Variants in SLC4A4 observed in about 807,000 individuals in gnomAD.
The protein encoded by SLC4A4 is electrogenic sodium bicarbonate cotransporter 1.
In SLC4A4, 27 loss-of-function variants were observed where a neutral mutation model predicts 111.5. The ratio of observed to expected loss-of-function variants is 0.24; its 90% CI spans 0.18 to 0.33. The LOEUF (loss-of-function observed/expected upper bound fraction) is 0.33, where lower values mean the gene tolerates loss of function less well. Ranked by LOEUF, SLC4A4 falls within the 10% of genes least tolerant of loss-of-function variation. The pLI is 1.00. For missense variants in SLC4A4, 909 were observed against 1,315.5 expected, an observed-to-expected ratio of 0.69 and a Z score of 4.78; for synonymous variants, 443 against 463.4, an observed-to-expected ratio of 0.96 and a Z score of 0.57.
At chr4:71,292,135 A>G (rs1028476687) in intron 3 of SLC4A4, among the ~76,000 whole-genome samples, 3 of 152,248 alleles carry the variant, frequency 2.0e-5, no homozygotes, top group Admixed American at 2.0e-4. Context: ...TCAACTAATT[A>G]GCAGTAGTCT....
intron 7 of SLC4A4, 66 bp downstream of exon 7, chr4:71,397,719 G>T: frequency 7.4e-7 from 1 of 1,352,488 alleles, no homozygotes; most frequent in Non-Finnish European, 1.1e-6. Flanking sequence ...GCTGAGAAAG[G>T]ATTAGAGGTG....
In SLC4A4 at chr4:71,473,632, T is replaced by C. The variant is rs1172942116; in HGVS notation, c.1903+662T>C. Among the ~76,000 whole-genome samples the C allele has an allele frequency of 4.6e-5, 7 of 151,980 alleles. No individual in the cohort carries two copies. In the South Asian group the frequency reaches 1.4e-3, roughly 31 times the overall value. On this transcript the variant is annotated intron_variant, in intron 14 of 25. Transcript: ENST00000264485. The stretch of plus-strand genomic sequence containing the variant: ...CAAAAGTAACTCCTGGAAAGGAATG[T>C]GATTCTCTATATCTTAGCCCTTTAA...
chr4:71,369,365 G>T (rs1250618092), intron 6 of SLC4A4, among the ~76,000 whole-genome samples: 2 of 152,176 alleles, frequency 1.3e-5, no homozygotes, highest in African/African-American at 4.8e-5. Flanking sequence ...TCCAAGTTGA[G>T]GACATTGTAA....
chr4:71,411,549 A>G (rs1438372019), intron 7 of SLC4A4, among the ~76,000 whole-genome samples: 4 of 152,186 alleles, frequency 2.6e-5, no homozygotes, highest in Admixed American at 2.0e-4. Flanking sequence ...ATATCCAGCC[A>G]TCTGTAGTTC....
chr4:71,541,370 T>C (rs991035107), intron 18 of SLC4A4, among the ~76,000 whole-genome samples: 1 of 151,914 alleles, frequency 6.6e-6, no homozygotes, highest in Non-Finnish European at 1.5e-5. Context: ...GGTTGCTGGA[T>C]GGTGTGAAGG....
upstream of SLC4A4, among the ~76,000 whole-genome samples, chr4:71,185,807 T>C (rs150670290): frequency 3.1e-3 from 472 of 152,282 alleles, 2 homozygotes; most frequent in African/African-American, 0.011. Flanking sequence ...CTATAAGCTA[T>C]AGCTTTGTAT....
chr4:71,268,084 T>TTG (rs777780466), intron 3 of SLC4A4, among the ~76,000 whole-genome samples: 48 of 147,218 alleles, frequency 3.3e-4, no homozygotes, highest in Non-Finnish European at 6.0e-4. Flanking sequence ...TGTTTTTTTT[T>TTG]TTTTTTTTTT....
chr4:71,126,138 T>A (rs1400727113), intron 2 of SLC4A4, among the ~76,000 whole-genome samples: 1 of 152,206 alleles, frequency 6.6e-6, no homozygotes, highest in Non-Finnish European at 1.5e-5. Context: ...TATAGATTTC[T>A]TAAATTGTGA....
intron 16 of SLC4A4, among the ~76,000 whole-genome samples, chr4:71,530,275 A>G (rs934678058): frequency 1.3e-5 from 2 of 152,094 alleles, no homozygotes; most frequent in Admixed American, 6.6e-5. Flanking sequence ...TTATATTAGG[A>G]GAGTTTATTA....
At chr4:71,533,166 A>G (rs1357292685) in intron 17 of SLC4A4, among the ~76,000 whole-genome samples, 1 of 152,150 alleles carries the variant, frequency 6.6e-6, no homozygotes, top group Non-Finnish European at 1.5e-5. Flanking sequence ...AACACACATT[A>G]TTTTTTGAAT....
intron 3 of SLC4A4, among the ~76,000 whole-genome samples, chr4:71,307,673 TA>T (rs1332102349): frequency 6.6e-5 from 10 of 152,196 alleles, no homozygotes; most frequent in African/African-American, 1.2e-4. Flanking sequence ...GAAAATAAGG[TA>T]ATCTTTTCAG....
intron 2 of SLC4A4, among the ~76,000 whole-genome samples, chr4:71,157,224 A>G (rs1444523962): frequency 6.6e-6 from 1 of 152,164 alleles, no homozygotes; most frequent in African/African-American, 2.4e-5. Context: ...GGAAATTGGA[A>G]TAATTATATA....
At chr4:71,184,358 A>G, upstream of SLC4A4, among the ~76,000 whole-genome samples, 1 of 152,160 alleles carries the variant, frequency 6.6e-6, no homozygotes, top group Non-Finnish European at 1.5e-5. Context: ...TTCTTCTTAG[A>G]GACATTATGT....
At chr4:71,549,827 T>C (rs906166397) in intron 20 of SLC4A4, among the ~76,000 whole-genome samples, 9 of 151,858 alleles carry the variant, frequency 5.9e-5, no homozygotes, top group African/African-American at 2.2e-4. Context: ...TGCACCCAAA[T>C]ATGGCTGCAG....
intron 20 of SLC4A4, among the ~76,000 whole-genome samples, chr4:71,554,242 T>C (rs1459127312): frequency 6.6e-6 from 1 of 151,886 alleles, no homozygotes; most frequent in Non-Finnish European, 1.5e-5. Context: ...AAGATTGGCC[T>C]TAATTGACTT....
chr4:71,263,039 G>A (rs577173924), intron 3 of SLC4A4, among the ~76,000 whole-genome samples: 2 of 114,340 alleles, frequency 1.7e-5, no homozygotes, highest in South Asian at 6.4e-4. Flanking sequence ...ACAGGCCCCG[G>A]TGTGTGATGT....
chr4:71,420,395 A>G (rs886664394), intron 7 of SLC4A4, among the ~76,000 whole-genome samples: 9 of 152,228 alleles, frequency 5.9e-5, no homozygotes, highest in Admixed American at 2.0e-4. Context: ...GAATGGAACC[A>G]AGTTGGAAAA....
intron 6 of SLC4A4, among the ~76,000 whole-genome samples, chr4:71,394,087 A>G (rs1008963131): frequency 6.6e-6 from 1 of 152,164 alleles, no homozygotes; most frequent in Admixed American, 6.5e-5. Flanking sequence ...AAAAACCCTT[A>G]TAAACGTTGG....
At chr4:71,320,866 A>G (rs1406511717) in intron 3 of SLC4A4, among the ~76,000 whole-genome samples, 1 of 152,014 alleles carries the variant, frequency 6.6e-6, no homozygotes, top group Non-Finnish European at 1.5e-5. Flanking sequence ...ACTTTCTCTA[A>G]CAGTTCTTTC....
Sources: allele counts gnomAD v4.1 joint callset (sites outside exome capture counted in the v4.1 genomes callset), GRCh38; gene constraint gnomAD v4.1.1; transcripts MANE v1.5; gene names NCBI Gene and HGNC (gene_info 2026-07-23, HGNC 2026-07-21).